Variants in NF1 observed in about 807,000 individuals in gnomAD.
The protein encoded by NF1 is neurofibromin.
NF1 carries 122 observed loss-of-function variants against 325.7 expected under a neutral mutation model. That is an observed-to-expected ratio of 0.37 (90% confidence interval 0.32 to 0.44). NF1 has a LOEUF of 0.44. Ranked by LOEUF, NF1 falls within the 20% of genes least tolerant of loss-of-function variation. The pLI, the probability that NF1 is intolerant of heterozygous loss-of-function variation, is 1.00. For missense variants in NF1, 2,140 were observed against 3,415.4 expected, an observed-to-expected ratio of 0.63 and a Z score of 9.31; for synonymous variants, 1,091 against 1,186.0, an observed-to-expected ratio of 0.92 and a Z score of 1.65.
intron 12 of NF1, among the ~76,000 whole-genome samples, chr17:31,213,059 G>T (rs1451918412): frequency 3.2e-4 from 48 of 152,300 alleles, no homozygotes; most frequent in Admixed American, 3.1e-3. Context: ...TGCAATGGCT[G>T]CATCAGGGAA....
chr17:31,127,931 T>C (rs570710808), intron 1 of NF1, among the ~76,000 whole-genome samples: 1 of 152,134 alleles, frequency 6.6e-6, no homozygotes. Flanking sequence ...ATATTTTTTT[T>C]GTACATTGAC....
intron 35 of NF1, among the ~76,000 whole-genome samples, chr17:31,263,019 T>TTAGA (rs914398266): frequency 1.3e-3 from 121 of 93,420 alleles, no homozygotes; most frequent in African/African-American, 3.2e-3. Flanking sequence ...CTTGTCTTTA[T>TTAGA]TAGATAGATA....
intron 40 of NF1, among the ~76,000 whole-genome samples, chr17:31,335,320 C>G (rs1391448210): frequency 1.0e-4 from 1 of 9,662 alleles, no homozygotes; most frequent in Non-Finnish European, 1.7e-4. Context: ...GGAGACTGTG[C>G]AAATAACTAG....
chr17:31,298,479 A>G (rs1200610362), intron 36 of NF1, among the ~76,000 whole-genome samples: 1 of 152,172 alleles, frequency 6.6e-6, no homozygotes, highest in Non-Finnish European at 1.5e-5. Flanking sequence ...CATTATTTAG[A>G]TTATACCACA....
intron 13 of NF1, among the ~76,000 whole-genome samples, chr17:31,218,114 G>A (rs930020354): frequency 6.6e-6 from 1 of 152,086 alleles, no homozygotes; most frequent in Non-Finnish European, 1.5e-5. Flanking sequence ...CCTTTGTATG[G>A]GTCAAGAGGG....
intron 12 of NF1, among the ~76,000 whole-genome samples, chr17:31,212,628 T>C (rs1191952543): frequency 7.9e-5 from 12 of 152,204 alleles, no homozygotes; most frequent in Admixed American, 7.2e-4. Context: ...GAGAATTGCC[T>C]GAACCCGGGA....
intron 12 of NF1, among the ~76,000 whole-genome samples, chr17:31,210,392 G>A (rs1257028141): frequency 6.6e-6 from 1 of 152,094 alleles, no homozygotes; most frequent in Non-Finnish European, 1.5e-5. Flanking sequence ...AGACCAACTG[G>A]GCCAACATGG....
chr17:31,256,315 T>C (rs1298063444), intron 31 of NF1, among the ~76,000 whole-genome samples: 1 of 152,128 alleles, frequency 6.6e-6, no homozygotes, highest in African/African-American at 2.4e-5. Context: ...ATTTTTGTAT[T>C]TTTAGTAGAG....
rs200376987 is a variant in NF1, at chr17:31,242,305, CTTTTTTTTTTTTTTT to C, written c.3974+6297_3974+6311del. ...TCTTTCCCTAGGTTTCATAAGTTCT[CTTTTTTTTTTTTTTT>C]TTTTTTTTTTTTGAGATGGAGGTTC... On this transcript the variant is annotated intron_variant, in intron 29 of 57. Transcript: ENST00000358273. Among the ~76,000 whole-genome samples the C allele has an allele frequency of 1.0e-4, 7 of 68,862 alleles. No individual in the cohort carries two copies. The South Asian group carries it at 2.3e-3, about 22-fold the overall frequency. 45.2% of individuals were successfully genotyped at this position (68,862 alleles called of 152,430 possible). A position where few individuals can be genotyped will look rare whatever the true frequency, so the allele number is the denominator to read the frequency against.
chr17:31,189,107 G>A lies in NF1; in HGVS notation c.888+6442G>A, dbSNP rs115752397. Among the ~76,000 whole-genome samples, 1,379 of 152,204 alleles carry A rather than the reference G, an allele frequency of 9.1e-3. 21 individuals carry two copies. Among genetic ancestry groups the A allele is most frequent in the African/African-American group, 0.032 (1,320 of 41,524 alleles). ...TTCAGTAGTACTCGAGTGAATTTAC[G>A]TTTTAATAATCACAACTGTAGCTTT... is the stretch of plus-strand genomic sequence containing the variant. On this transcript the variant is annotated intron_variant, in intron 8 of 57. Transcript: ENST00000358273.
chr17:31,110,885 C>T (rs1211481361), intron 1 of NF1, among the ~76,000 whole-genome samples: 7 of 152,052 alleles, frequency 4.6e-5, no homozygotes, highest in Admixed American at 1.3e-4. Context: ...TCATTCTTTA[C>T]TGTTCTTAAA....
intron 8 of NF1, among the ~76,000 whole-genome samples, chr17:31,189,758 A>ATT (rs1007309645): frequency 4.7e-4 from 56 of 118,544 alleles, no homozygotes; most frequent in Admixed American, 7.1e-4. Context: ...AAAGAAAAGT[A>ATT]TTTTTTTTTT....
At position 31,219,245 on chromosome 17, in the gene NF1, G is replaced by A. The variant is rs993574065; in HGVS notation, c.1641+127G>A. 7 of 958,644 alleles carry A rather than the reference G, an allele frequency of 7.3e-6. No homozygotes were observed. In the African/African-American group the frequency reaches 9.9e-5, roughly 14 times the overall value. The allele number at this position is 958,644 out of a possible 1,614,324, so 59.4% of individuals were successfully genotyped here. On this transcript the variant is annotated intron_variant, in intron 14 of 57. Coordinates refer to ENST00000358273, the MANE Select transcript of NF1 (RefSeq NM_001042492.3). Reference sequence around the variant, plus strand: ...TCATTTCTGGAAATGGTATGTTTATGTCTATACATTGTTTTATAAAACTCC... The same window carrying A: ...TCATTTCTGGAAATGGTATGTTTATATCTATACATTGTTTTATAAAACTCC...
At chr17:31,140,706 CTG>C (rs2143527788) in intron 1 of NF1, among the ~76,000 whole-genome samples, 2 of 152,264 alleles carry the variant, frequency 1.3e-5, no homozygotes, top group South Asian at 4.2e-4. Flanking sequence ...ACCTAAATGT[CTG>C]TTGATGGCAA....
At chr17:31,296,248 G>A (rs1429868370) in intron 36 of NF1, 1 of 1,613,992 alleles carries the variant, frequency 6.2e-7, no homozygotes, top group Non-Finnish European at 8.5e-7. Context: ...ATATACATTG[G>A]AGAGGACAAA....
At position 31,373,168 on chromosome 17, in the gene NF1, A is replaced by C. The variant is rs930074001; in HGVS notation, c.8378-845A>C. 5.9e-5 allele frequency among the ~76,000 whole-genome samples: 9 copies of C among 152,224 alleles called. No individual in the cohort carries two copies. In the East Asian group the frequency reaches 1.7e-3, roughly 29 times the overall value. On this transcript the variant is annotated intron_variant, in intron 57 of 57. Transcript: ENST00000358273. ...GATTCTACAGTATGACCTTTGTGAT[A>C]TATTATTTTCTCAGTAAATAGTTTC...
At position 31,337,468 on chromosome 17, in the gene NF1, T is replaced by C. The variant is rs147522129; in HGVS notation, c.6528T>C (p.Ile2176=). 1.9e-5 allele frequency: 31 copies of C among 1,614,046 alleles called. No individual in the cohort carries two copies. Among genetic ancestry groups the C allele is most frequent in the Non-Finnish European group, 1.9e-5 (23 of 1,180,002 alleles). The change falls in exon 43 of 58, where the codon ATT becomes ATC. Residue 2176 remains isoleucine, a synonymous_variant. Coordinates refer to ENST00000358273, the MANE Select transcript of NF1 (RefSeq NM_001042492.3). The part of the protein sequence containing the change: ...GISKVKSAAV[I]AFRSSYRDRS... ...GCAAAGTCAAGTCAGCTGCTGTCAT[T>C]GCCTTCCGTTCCAGTTACCGGGACA...
intron 1 of NF1, among the ~76,000 whole-genome samples, chr17:31,143,369 A>T (rs1324460080): frequency 6.6e-6 from 1 of 151,486 alleles, no homozygotes; most frequent in African/African-American, 2.4e-5. Context: ...TGGGCTCAAG[A>T]TATCCTCCCA....
chr17:31,105,524 T>G (rs1315616017), intron 1 of NF1, among the ~76,000 whole-genome samples: 2 of 152,148 alleles, frequency 1.3e-5, no homozygotes, highest in African/African-American at 2.4e-5. Flanking sequence ...AGATAACTTT[T>G]TTTTTTTGAG....
Sources: gnomAD v4.1 joint callset for allele counts (sites outside exome capture counted in the v4.1 genomes callset) on GRCh38, gnomAD v4.1.1 for gene constraint, MANE v1.5 for transcripts, NCBI Gene and HGNC (gene_info 2026-07-23, HGNC 2026-07-21) for gene names.